Variants in SPIDR observed in about 807,000 individuals in gnomAD.
The protein encoded by SPIDR is scaffold protein involved in DNA repair.
Under a neutral mutation model 104.6 loss-of-function variants are expected in SPIDR, and 93 were observed. That is an observed-to-expected ratio of 0.89 (90% CI 0.75 to 1.06). The LOEUF is 1.06. Ranked by LOEUF, SPIDR falls within the 50% of genes least tolerant of loss-of-function variation. The probability of loss-of-function intolerance (pLI) is 0.00; values close to 1 mark genes in which losing one functional copy is unlikely to be tolerated. For missense variants in SPIDR, 1,154 were observed against 1,111.2 expected (o/e 1.04, Z -0.55); for synonymous variants, 431 against 416.9 (o/e 1.03, Z -0.41).
intron 16 of SPIDR, among the ~76,000 whole-genome samples, chr8:47,720,403 T>C (rs1014416958): frequency 4.6e-5 from 7 of 152,182 alleles, no homozygotes; most frequent in African/African-American, 1.7e-4. Context: ...TAAGCCGTCT[T>C]CCAAAGTTGG....
intron 8 of SPIDR, among the ~76,000 whole-genome samples, chr8:47,544,048 G>A (rs958367991): frequency 1.3e-5 from 2 of 152,066 alleles, no homozygotes; most frequent in Non-Finnish European, 2.9e-5. Context: ...TCATGGCCCA[G>A]GACTTTGTTT....
At chr8:47,542,117 A>T (rs940545075) in intron 8 of SPIDR, among the ~76,000 whole-genome samples, 6 of 152,076 alleles carry the variant, frequency 3.9e-5, no homozygotes, top group African/African-American at 1.2e-4. Context: ...ACTACAGCAA[A>T]GTTAATTAAG....
chr8:47,735,457 C>T lies in SPIDR; in HGVS notation c.*7C>T, dbSNP rs1373568681. 1.2e-6 allele frequency: 2 copies of T among 1,614,022 alleles called. No individual in the cohort carries two copies. The highest frequency in any genetic ancestry group is 1.1e-5 in the South Asian group (1 of 91,078). On this transcript the variant is annotated 3_prime_UTR_variant, in exon 20 of 20. Coordinates refer to ENST00000297423, the MANE Select transcript of SPIDR (RefSeq NM_001080394.4). ...GGCCTCTGCAGAACACTAGCGGTTG[C>T]CGCAGGATCTGTGAACTTTGCAATG...
intron 5 of SPIDR, among the ~76,000 whole-genome samples, chr8:47,392,300 C>T (rs1169513755): frequency 6.6e-6 from 1 of 152,138 alleles, no homozygotes; most frequent in African/African-American, 2.4e-5. Context: ...TCAGACACCA[C>T]CTTTATGGGG....
chr8:47,686,224 T>C (rs2077798673), intron 11 of SPIDR, among the ~76,000 whole-genome samples: 1 of 152,134 alleles, frequency 6.6e-6, no homozygotes, highest in Non-Finnish European at 1.5e-5. Context: ...TCTTCTTTCT[T>C]CCTCTCGGGT....
intron 8 of SPIDR, among the ~76,000 whole-genome samples, chr8:47,467,129 T>C (rs2074993437): frequency 6.6e-6 from 1 of 152,008 alleles, no homozygotes; most frequent in Non-Finnish European, 1.5e-5. Context: ...ATGGATAAAT[T>C]CCTGGATGCA....
At chr8:47,626,680 A>C (rs2066180299) in intron 10 of SPIDR, among the ~76,000 whole-genome samples, 1 of 152,248 alleles carries the variant, frequency 6.6e-6, no homozygotes, top group Non-Finnish European at 1.5e-5. Context: ...AATCAAAACC[A>C]CAATGAGATA....
chr8:47,414,932 C>G (rs943785311), intron 7 of SPIDR, among the ~76,000 whole-genome samples: 32 of 152,058 alleles, frequency 2.1e-4, no homozygotes, highest in African/African-American at 7.7e-4. Context: ...GAGGCAGAGT[C>G]TCGCTCTGTT....
At chr8:47,502,905 A>G (rs374832506) in intron 8 of SPIDR, among the ~76,000 whole-genome samples, 4 of 152,356 alleles carry the variant, frequency 2.6e-5, no homozygotes, top group East Asian at 3.9e-4. Flanking sequence ...CTCAGTAGTC[A>G]TTCAGGAGCA....
intron 5 of SPIDR, among the ~76,000 whole-genome samples, chr8:47,348,816 T>C (rs2052771650): frequency 2.0e-5 from 3 of 152,238 alleles, no homozygotes; most frequent in Admixed American, 1.3e-4. Context: ...TTTAAGGTCT[T>C]CTCTGCGCTA....
At chr8:47,554,407 G>T (rs1056859947) in intron 8 of SPIDR, among the ~76,000 whole-genome samples, 22 of 152,200 alleles carry the variant, frequency 1.4e-4, no homozygotes, top group African/African-American at 4.8e-4. Context: ...CACCCAGTTT[G>T]AACTTCCCGG....
chr8:47,511,853 C>A, intron 8 of SPIDR: 1 of 847,962 alleles, frequency 1.2e-6, no homozygotes, highest in Non-Finnish European at 2.1e-6. Flanking sequence ...CTCTCTGAGG[C>A]CCCGGCATAA....
At chr8:47,372,516 C>T (rs1216800382) in intron 5 of SPIDR, among the ~76,000 whole-genome samples, 16 of 152,058 alleles carry the variant, frequency 1.1e-4, no homozygotes, top group African/African-American at 3.6e-4. Flanking sequence ...ATCCCAGCTA[C>T]TTGGGAAGCT....
chr8:47,451,090 T>C (rs1471358481), intron 8 of SPIDR, among the ~76,000 whole-genome samples: 4 of 152,142 alleles, frequency 2.6e-5, no homozygotes, highest in African/African-American at 9.7e-5. Flanking sequence ...AATTGAGATA[T>C]TGGAATTATT....
At chr8:47,414,990 G>T (rs937153745) in intron 7 of SPIDR, among the ~76,000 whole-genome samples, 45 of 151,946 alleles carry the variant, frequency 3.0e-4, no homozygotes, top group African/African-American at 1.1e-3. Flanking sequence ...TGCAAGCTCC[G>T]CCTCCTGGGT....
rs573514811 is a variant in SPIDR, at chr8:47,376,407, G to A, written c.526-19969G>A. Among the ~76,000 whole-genome samples the A allele has an allele frequency of 3.3e-5, 5 of 152,266 alleles. No individual in the cohort carries two copies. In the South Asian group the frequency reaches 1.0e-3, roughly 32 times the overall value. The stretch of plus-strand genomic sequence containing the variant: ...AGCCAGGACCTTGCTTTTGGCCTTG[G>A]GAAGCCCTGTATATAGAACCCGGTC... On this transcript the variant is annotated intron_variant, in intron 5 of 19. Coordinates refer to ENST00000297423, the MANE Select transcript of SPIDR (RefSeq NM_001080394.4).
chr8:47,491,329 G>A (rs1436860168), intron 8 of SPIDR, among the ~76,000 whole-genome samples: 3 of 151,516 alleles, frequency 2.0e-5, no homozygotes, highest in Non-Finnish European at 4.4e-5. Context: ...TCTTAAAGGC[G>A]GTCAATAAAT....
chr8:47,375,109 A>T (rs903498685), intron 5 of SPIDR, among the ~76,000 whole-genome samples: 2 of 151,150 alleles, frequency 1.3e-5, no homozygotes, highest in Admixed American at 6.6e-5. Flanking sequence ...GGCCAGAGAG[A>T]TGTGTAGCCA....
chr8:47,311,950 A>G (rs1374862931), intron 5 of SPIDR, among the ~76,000 whole-genome samples: 2 of 152,026 alleles, frequency 1.3e-5, no homozygotes, highest in Non-Finnish European at 2.9e-5. Flanking sequence ...GTTCCCACCT[A>G]TGAGTGAGAA....
Sources: gnomAD v4.1 joint callset for allele counts (sites outside exome capture counted in the v4.1 genomes callset) on GRCh38, gnomAD v4.1.1 for gene constraint, MANE v1.5 for transcripts, NCBI Gene and HGNC (gene_info 2026-07-23, HGNC 2026-07-21) for gene names.